ADCYAP1R1: variants seen among roughly 807,000 people sequenced by gnomAD.
The protein encoded by ADCYAP1R1 is ADCYAP receptor type I.
Under a neutral mutation model 67.6 loss-of-function variants are expected in ADCYAP1R1, and 44 were observed. The ratio of observed to expected loss-of-function variants is 0.65; its 90% CI spans 0.51 to 0.84. The LOEUF (loss-of-function observed/expected upper bound fraction) is 0.84. Among genes scored for constraint, ADCYAP1R1 ranks in the 40% least tolerant of loss-of-function variants. The pLI is 0.00. For missense variants in ADCYAP1R1, 477 were observed against 587.9 expected, an observed-to-expected ratio of 0.81 and a Z score of 1.95; for synonymous variants, 222 against 219.6, an observed-to-expected ratio of 1.01 and a Z score of -0.10.
chr7:31,084,183 C>T lies in ADCYAP1R1; in HGVS notation c.371C>T (p.Ser124Leu), dbSNP rs765777375. 26 of 1,614,144 alleles carry T rather than the reference C, an allele frequency of 1.6e-5. No individual in the cohort carries two copies. Among genetic ancestry groups the T allele is most frequent in the South Asian group, 3.3e-5 (3 of 91,062 alleles). The change falls in exon 7 of 16, where the codon TCG (serine) becomes TTG (leucine). Residue 124 changes from serine (S) to leucine (L), a missense_variant. By Grantham distance (145) the Ser-to-Leu change is moderately radical. Transcript: ENST00000304166. ...VSRNCTEDGW[S>L]EPFPHYFDAC... ...CGGAACTGCACGGAGGATGGCTGGTCGGAACCCTTCCCTCATTACTTTGAT... is the reference window on the plus strand; with the variant it reads ...CGGAACTGCACGGAGGATGGCTGGTTGGAACCCTTCCCTCATTACTTTGAT...
chr7:31,071,144 T>G (rs1367866923), intron 3 of ADCYAP1R1, among the ~76,000 whole-genome samples: 4 of 152,226 alleles, frequency 2.6e-5, no homozygotes, highest in African/African-American at 9.7e-5. Context: ...CCCTGCTCTA[T>G]GGAGTTTTGA....
At chr7:31,072,272 A>C (rs377670932) in intron 3 of ADCYAP1R1, among the ~76,000 whole-genome samples, 1 of 152,168 alleles carries the variant, frequency 6.6e-6, no homozygotes, top group African/African-American at 2.4e-5. Flanking sequence ...ATCTTGGAAC[A>C]CTGCTACCCT....
rs142088943 is a variant in ADCYAP1R1, at chr7:31,106,514, C to A, written c.1237C>A (p.Arg413=). 87 of 1,610,172 alleles carry A rather than the reference C, an allele frequency of 5.4e-5. No individual in the cohort carries two copies. In the African/African-American group the frequency reaches 1.1e-3, roughly 20 times the overall value. The change falls in exon 16 of 16, where the codon CGA becomes AGA. Residue 413 remains arginine, a synonymous_variant. Coordinates refer to ENST00000304166, the MANE Select transcript of ADCYAP1R1 (RefSeq NM_001118.5). ...CCTGCAGGTACAAGCGGAGATCAAG[C>A]GAAAATGGCGAAGCTGGAAGGTGAA... ...LNGEVQAEIK[R]KWRSWKVNRY...
rs1796510236 is a variant in ADCYAP1R1, at chr7:31,103,315, T to C, written c.1125T>C (p.Asn375=). 1.2e-6 allele frequency: 2 copies of C among 1,614,194 alleles called. No homozygotes were observed. Among genetic ancestry groups the C allele is most frequent in the East Asian group, 2.2e-5 (1 of 44,876 alleles). ...CAGTATTTGCCTTCTCCCCAGAGAATGTCAGCAAAAGGGAAAGACTCGTGT... is the reference window on the plus strand; with the variant it reads ...CAGTATTTGCCTTCTCCCCAGAGAACGTCAGCAAAAGGGAAAGACTCGTGT... ...HYTVFAFSPE[N]VSKRERLVFE... is the part of the protein sequence containing the mutation. Residue 375 remains asparagine (N), a synonymous_variant, in exon 14 of 16, where the codon AAT becomes AAC. Transcript: ENST00000304166.
Position 31,078,008 on chromosome 7 carries a change from GACA to G in ADCYAP1R1, c.179_181del (p.Asn60del), listed in dbSNP as rs769874446. On this transcript the variant is annotated inframe_deletion, in exon 4 of 16. Transcript: ENST00000304166. ...ACCCACAGGCTGTCCTGGGATGTGGGACAACATCACGTGTTGGAAGCCCGCCCA... is the reference window on the plus strand; with the variant it reads ...ACCCACAGGCTGTCCTGGGATGTGGGACATCACGTGTTGGAAGCCCGCCCA... 1 of 1,611,588 alleles carries G rather than the reference GACA, an allele frequency of 6.2e-7. No homozygotes were observed. The highest frequency in any genetic ancestry group is 1.7e-5 in the Admixed American group (1 of 59,822).
At chr7:31,052,906 C>T (rs1056913833) in intron 1 of ADCYAP1R1, among the ~76,000 whole-genome samples, 2 of 152,064 alleles carry the variant, frequency 1.3e-5, no homozygotes, top group South Asian at 4.1e-4. Flanking sequence ...CAGGCTGACA[C>T]CCCCCAACCC....
At position 31,064,884 on chromosome 7, in the gene ADCYAP1R1, G is replaced by A; in HGVS notation, c.105G>A (p.Leu35=). The change falls in exon 3 of 16, where the codon CTG becomes CTA. Residue 35 remains leucine (L), a synonymous_variant. Transcript: ENST00000304166. ...CIFKKEQAMC[L]EKIQRANELM... ...TCAAGAAGGAGCAAGCCATGTGCCT[G>A]GAGAAGATCCAGAGGGCCAATGAGC... 1 of 1,612,860 alleles carries A rather than the reference G, an allele frequency of 6.2e-7. No individual in the cohort carries two copies. Among genetic ancestry groups the A allele is most frequent in the African/African-American group, 1.3e-5 (1 of 75,016 alleles).
At position 31,098,714 on chromosome 7, in the gene ADCYAP1R1, G is replaced by T. The variant is rs1286385021; in HGVS notation, c.1047-4523G>T. Among the ~76,000 whole-genome samples, 6 of 117,750 alleles carry T rather than the reference G, an allele frequency of 5.1e-5. No homozygotes were observed. In the East Asian group the frequency reaches 9.2e-4, roughly 18 times the overall value. The allele number at this position is 117,750 out of a possible 152,430, so 77.2% of individuals were successfully genotyped here. A position where few individuals can be genotyped will look rare whatever the true frequency, so the allele number is the denominator to read the frequency against. On this transcript the variant is annotated intron_variant, in intron 13 of 15. Coordinates refer to ENST00000304166, the MANE Select transcript of ADCYAP1R1 (RefSeq NM_001118.5). The stretch of plus-strand genomic sequence containing the variant: ...CAGATGCAGCGGGGCGGGGGGGGGG[G>T]GGGGACCTGGGCTTGCCCCATCTTG...
At position 31,086,089 on chromosome 7, in the gene ADCYAP1R1, C is replaced by T. The variant is rs1795733324; in HGVS notation, c.670-295C>T. ...TGGCTGCTTCTCTCCCTACTCCTCT[C>T]CTCTGTGGGAGATAGGGAAGGAGCA... On this transcript the variant is annotated intron_variant, in intron 9 of 15. Transcript: ENST00000304166. This position sits in a 1 kb window ranked among gnomAD's most constrained non-coding sequence, Gnocchi z 5.0. Among the ~76,000 whole-genome samples, 1 of 152,216 alleles carries T rather than the reference C, an allele frequency of 6.6e-6. No homozygotes were observed. The highest frequency in any genetic ancestry group is 1.5e-5 in the Non-Finnish European group (1 of 68,032).
intron 3 of ADCYAP1R1, among the ~76,000 whole-genome samples, chr7:31,075,001 G>A (rs754253881): frequency 6.6e-6 from 1 of 152,196 alleles, no homozygotes; most frequent in Non-Finnish European, 1.5e-5. Flanking sequence ...TAAAAGCTGT[G>A]GATACCTTCT....
At chr7:31,081,873 T>C (rs1795528687) in intron 6 of ADCYAP1R1, 119 bp downstream of exon 6, 1 of 740,844 alleles carries the variant, frequency 1.3e-6, no homozygotes, top group Non-Finnish European at 2.2e-6. Flanking sequence ...GTGTGATCTT[T>C]GGCAGGTGAC....
intron 3 of ADCYAP1R1, among the ~76,000 whole-genome samples, chr7:31,073,195 G>A (rs1293223064): frequency 6.6e-6 from 1 of 152,140 alleles, no homozygotes; most frequent in Non-Finnish European, 1.5e-5. Context: ...TCTAAACATT[G>A]AGCATAAAAA....
intron 3 of ADCYAP1R1, among the ~76,000 whole-genome samples, chr7:31,077,022 C>A (rs2267728): frequency 0.016 from 2,500 of 152,244 alleles, 54 homozygotes; most frequent in East Asian, 0.11. Context: ...GGGTGTGGGG[C>A]GGTGTAAAAA....
At chr7:31,069,723 C>T (rs942928254) in intron 3 of ADCYAP1R1, among the ~76,000 whole-genome samples, 5 of 152,120 alleles carry the variant, frequency 3.3e-5, no homozygotes, top group African/African-American at 1.2e-4. Context: ...GCAGAGTGGC[C>T]TTCAGAGTGG....
chr7:31,063,370 C>A, intron 2 of ADCYAP1R1, 55 bp downstream of exon 2: 1 of 1,597,408 alleles, frequency 6.3e-7, no homozygotes, highest in East Asian at 2.2e-5. Context: ...AGTCCCCGCT[C>A]CAGAGAACTC....
intron 1 of ADCYAP1R1, among the ~76,000 whole-genome samples, chr7:31,054,404 T>A (rs1294023802): frequency 6.6e-6 from 1 of 152,202 alleles, no homozygotes; most frequent in Non-Finnish European, 1.5e-5. Flanking sequence ...TCCTGTTTTG[T>A]ATAAGGTTCA....
At position 31,108,759 on chromosome 7, in the gene ADCYAP1R1, T is replaced by TGC. The variant is rs1796744389; in HGVS notation, c.*2076_*2077insCG. 6.6e-6 allele frequency: 1 copy of TGC among 151,742 alleles called. No homozygotes were observed. Among genetic ancestry groups the TGC allele is most frequent in the Non-Finnish European group, 1.5e-5 (1 of 68,018 alleles). The allele number at this position is 151,742 out of a possible 1,614,324, so 9.4% of individuals were successfully genotyped here. ...TTTGATGAATATATGTGTGTGTGTGTGTGTGTGTGTGTGTGTGTGTGTAGA... is the reference window on the plus strand; with the variant it reads ...TTTGATGAATATATGTGTGTGTGTGTGCGTGTGTGTGTGTGTGTGTGTGTAGA... On this transcript the variant is annotated 3_prime_UTR_variant, in exon 16 of 16. Transcript: ENST00000304166.
In ADCYAP1R1 at chr7:31,111,136, G is replaced by A. The variant is rs1796848333; in HGVS notation, c.*4452G>A. On this transcript the variant is annotated 3_prime_UTR_variant, in exon 16 of 16. Coordinates refer to ENST00000304166, the MANE Select transcript of ADCYAP1R1 (RefSeq NM_001118.5). ...CATGCCCCTGGGAGTCAACTTCAAG[G>A]ATCTGGGACATTTTGGTGTGCCCAT... 6.6e-6 allele frequency: 1 copy of A among 152,208 alleles called. No homozygotes were observed. The highest frequency in any genetic ancestry group is 1.5e-5 in the Non-Finnish European group (1 of 68,050). The allele number at this position is 152,208 out of a possible 1,614,324, so 9.4% of individuals were successfully genotyped here.
intron 6 of ADCYAP1R1, among the ~76,000 whole-genome samples, chr7:31,083,106 G>C (rs1795580606): frequency 6.6e-6 from 1 of 152,242 alleles, no homozygotes; most frequent in South Asian, 2.1e-4. Context: ...GGTGTCTCTT[G>C]TTTTATACAA....
Sources: allele counts gnomAD v4.1 joint callset (sites outside exome capture counted in the v4.1 genomes callset), GRCh38; gene constraint gnomAD v4.1.1; non-coding constraint Gnocchi (gnomAD v3.1); transcripts MANE v1.5; gene names NCBI Gene and HGNC (gene_info 2026-07-23, HGNC 2026-07-21).